The following JAK2 variants were observed in gnomAD, a reference collection of about 807,000 sequenced individuals.
JAK2 encodes the protein Janus kinase 2, also known as tyrosine-protein kinase JAK2.
JAK2 carries 86 observed loss-of-function variants against 139.3 expected under a neutral mutation model. The ratio of observed to expected loss-of-function variants is 0.62; its 90% CI spans 0.52 to 0.74. JAK2 has a LOEUF of 0.74. Among genes scored for constraint, JAK2 ranks in the 30% least tolerant of loss-of-function variants. JAK2 has a pLI of 0.00. For synonymous variants in JAK2, 490 were observed against 437.7 expected (o/e 1.12, Z -1.49); for missense variants, 1,421 against 1,360.3 (o/e 1.04, Z -0.70).
intron 4 of JAK2, among the ~76,000 whole-genome samples, chr9:5,038,624 A>G (rs1816253183): frequency 6.6e-6 from 1 of 150,526 alleles, no homozygotes; most frequent in Non-Finnish European, 1.5e-5. Context: ...GGATTTTAGA[A>G]TATTTGCAGA....
chr9:5,083,913 T>C (rs1170983604), intron 19 of JAK2, among the ~76,000 whole-genome samples: 1 of 152,180 alleles, frequency 6.6e-6, no homozygotes, highest in Non-Finnish European at 1.5e-5. Context: ...AACCATTCTA[T>C]ATATACAATT....
intron 16 of JAK2, among the ~76,000 whole-genome samples, chr9:5,079,827 A>T (rs1334975036): frequency 2.0e-5 from 3 of 151,530 alleles, no homozygotes; most frequent in Admixed American, 6.6e-5. Flanking sequence ...TCAAAAAAAA[A>T]ATTTTTTTTT....
chr9:5,096,594 AAG>A (rs780085133), intron 22 of JAK2: 1 of 152,120 alleles, frequency 6.6e-6, no homozygotes, highest in Non-Finnish European at 1.5e-5. Flanking sequence ...GGCTGGTAAA[AAG>A]AGGTCTTGAC....
intron 2 of JAK2, among the ~76,000 whole-genome samples, chr9:4,994,846 CTT>C (rs1194955521): frequency 2.6e-5 from 4 of 152,100 alleles, no homozygotes; most frequent in Non-Finnish European, 1.5e-5. Context: ...GTATTTGTCT[CTT>C]TTTATTCTTT....
At chr9:5,118,148 G>A (rs1211172534) in intron 22 of JAK2, among the ~76,000 whole-genome samples, 5 of 152,262 alleles carry the variant, frequency 3.3e-5, no homozygotes, top group South Asian at 2.1e-4. Context: ...GCGACAGAGC[G>A]AGACTCCATC....
intron 22 of JAK2, chr9:5,111,221 AGC>A (rs1822487704): frequency 3.4e-6 from 2 of 582,572 alleles, no homozygotes; most frequent in Non-Finnish European, 6.3e-6. Flanking sequence ...AAGAGCAGCT[AGC>A]GCGGGCCTAT....
chr9:5,029,908 T>G lies in JAK2; in HGVS notation c.350+2T>G, dbSNP rs780630654. 1 of 1,578,964 alleles carries G rather than the reference T, an allele frequency of 6.3e-7. No homozygotes were observed. Among genetic ancestry groups the G allele is most frequent in the Non-Finnish European group, 8.6e-7 (1 of 1,168,436 alleles). On this transcript the variant is annotated splice_donor_variant, in intron 4 of 24. Coordinates refer to ENST00000381652, the MANE Select transcript of JAK2 (RefSeq NM_004972.4). LOFTEE classifies it high-confidence loss of function. ...GCATAATGTACTCTACAGAATAAGG[T>G]ACTTTCTTCAGTAAAGTAACTCACT...
At chr9:5,041,913 C>T (rs150672988) in intron 4 of JAK2, 4 of 395,806 alleles carry the variant, frequency 1.0e-5, no homozygotes, top group Non-Finnish European at 1.5e-5. Flanking sequence ...TGGAGGTGGG[C>T]GATGAAACGA....
chr9:5,030,120 T>G (rs1823048145), intron 4 of JAK2, among the ~76,000 whole-genome samples: 1 of 152,178 alleles, frequency 6.6e-6, no homozygotes. Context: ...ATAAAGCTGT[T>G]TTGGTGGGAT....
intron 2 of JAK2, among the ~76,000 whole-genome samples, chr9:4,996,363 G>A (rs924259029): frequency 1.3e-5 from 2 of 152,026 alleles, no homozygotes; most frequent in Non-Finnish European, 2.9e-5. Flanking sequence ...CAGGAGAATC[G>A]CTTGTACCTG....
At chr9:5,000,856 G>C (rs77692052) in intron 2 of JAK2, among the ~76,000 whole-genome samples, 3 of 152,144 alleles carry the variant, frequency 2.0e-5, no homozygotes, top group Admixed American at 6.5e-5. Flanking sequence ...ACTTGATAAC[G>C]TATTGGTTGG....
intron 4 of JAK2, among the ~76,000 whole-genome samples, chr9:5,034,418 C>A (rs1336609335): frequency 6.6e-6 from 1 of 152,138 alleles, no homozygotes; most frequent in Non-Finnish European, 1.5e-5. Flanking sequence ...AACTCTCCAC[C>A]CCAAATCAAC....
chr9:5,036,859 A>C (rs1409901899), intron 4 of JAK2, among the ~76,000 whole-genome samples: 1 of 152,232 alleles, frequency 6.6e-6, no homozygotes. Context: ...AGAATTGACA[A>C]ATGGGATCTC....
chr9:4,993,317 T>C (rs1820371412), intron 2 of JAK2, among the ~76,000 whole-genome samples: 1 of 152,222 alleles, frequency 6.6e-6, no homozygotes, highest in South Asian at 2.1e-4. Flanking sequence ...ACACTCTAGA[T>C]TGGATCTTTG....
Position 5,055,665 on chromosome 9 carries a change from A to G in JAK2, c.937-4A>G, listed in dbSNP as rs1287074277. On this transcript the variant is annotated splice_polypyrimidine_tract_variant and splice_region_variant and intron_variant, in intron 7 of 24. Coordinates refer to ENST00000381652, the MANE Select transcript of JAK2 (RefSeq NM_004972.4). ...TTTTTAATTTTACATGCTTTTAATT[A>G]TAGGATTTACAGTTATATTGCGATT... is the stretch of plus-strand genomic sequence containing the variant. 1.9e-6 allele frequency: 3 copies of G among 1,551,356 alleles called. No individual in the cohort carries two copies. The highest frequency in any genetic ancestry group is 1.7e-5 in the Admixed American group (1 of 57,208).
At chr9:5,022,237 T>C in intron 3 of JAK2, 24 bp downstream of exon 3, 1 of 1,513,048 alleles carries the variant, frequency 6.6e-7, no homozygotes, top group Non-Finnish European at 9.2e-7. Context: ...AACAGCATTT[T>C]CCTTTTTATG....
chr9:5,066,458 G>C (rs1258195686), intron 9 of JAK2, among the ~76,000 whole-genome samples: 1 of 152,000 alleles, frequency 6.6e-6, no homozygotes, highest in Non-Finnish European at 1.5e-5. Flanking sequence ...CCTTTTATTG[G>C]TTTTTAAAGC....
At chr9:5,037,986 A>T (rs1563945719) in intron 4 of JAK2, among the ~76,000 whole-genome samples, 1 of 152,230 alleles carries the variant, frequency 6.6e-6, no homozygotes, top group African/African-American at 2.4e-5. Context: ...ACATGAATAT[A>T]TAGCGTCACT....
At position 5,085,818 on chromosome 9, in the gene JAK2, G is replaced by A. The variant is rs937668919; in HGVS notation, c.2572-3856G>A. ...TCGGGCCATTAGTACCACAATAATT[G>A]ATCGAAAGGCTTTTCCTTTTACATC... is the stretch of plus-strand genomic sequence containing the variant. On this transcript the variant is annotated intron_variant, in intron 19 of 24. Coordinates refer to ENST00000381652, the MANE Select transcript of JAK2 (RefSeq NM_004972.4). 1.7e-5 allele frequency: 13 copies of A among 758,796 alleles called. No homozygotes were observed. In the South Asian group the frequency reaches 1.8e-4, roughly 10 times the overall value. The allele number at this position is 758,796 out of a possible 1,614,324, so 47.0% of individuals were successfully genotyped here. A position where few individuals can be genotyped will look rare whatever the true frequency, so the allele number is the denominator to read the frequency against.
Sources: gnomAD v4.1 joint callset for allele counts (sites outside exome capture counted in the v4.1 genomes callset) on GRCh38, gnomAD v4.1.1 for gene constraint, MANE v1.5 for transcripts, NCBI Gene and HGNC (gene_info 2026-07-23, HGNC 2026-07-21) for gene names.